Variants in GSDMC observed in about 807,000 individuals in gnomAD.
GSDMC encodes the protein gasdermin C.
Under a neutral mutation model 58.0 loss-of-function variants are expected in GSDMC, and 59 were observed. The observed-to-expected ratio is 1.02, with a 90% confidence interval of 0.82 to 1.26. GSDMC has a LOEUF of 1.26. Among genes scored for constraint, GSDMC ranks in the 50% most tolerant of loss-of-function variants. The pLI is 0.00. For missense variants in GSDMC, 659 were observed against 598.5 expected (o/e 1.10, Z -1.06); for synonymous variants, 241 against 220.2 (o/e 1.09, Z -0.83).
Position 129,786,498 on chromosome 8 carries a change from G to A in GSDMC, c.-492C>T, listed in dbSNP as rs559257737. ...GACTCAATTTCCAATGCAGTATCCT[G>A]GAAAAATAAGCACAGGAGGGCCCTG... On this transcript the variant is annotated 5_prime_UTR_variant, in exon 1 of 14. It introduces an in-frame stop codon into an upstream open reading frame of the 5' UTR. Coordinates refer to ENST00000276708, the MANE Select transcript of GSDMC (RefSeq NM_031415.3). 7 of 152,222 alleles carry A rather than the reference G, an allele frequency of 4.6e-5. No homozygotes were observed. Among genetic ancestry groups the A allele is most frequent in the African/African-American group, 1.7e-4 (7 of 41,510 alleles). The allele number at this position is 152,222 out of a possible 1,614,324, so 9.4% of individuals were successfully genotyped here. A position where few individuals can be genotyped will look rare whatever the true frequency, so the allele number is the denominator to read the frequency against.
chr8:129,717,095 C>T, the GSDMC span, among the ~76,000 whole-genome samples: 2 of 152,062 alleles, frequency 1.3e-5, no homozygotes, highest in African/African-American at 2.4e-5. Flanking sequence ...TGTTGTGTCT[C>T]TGCCAGGTTT....
chr8:129,738,917 G>A, the GSDMC span, among the ~76,000 whole-genome samples: 1 of 152,066 alleles, frequency 6.6e-6, no homozygotes, highest in Non-Finnish European at 1.5e-5. Flanking sequence ...CTCACTTAAG[G>A]CATTTCAAAA....
At chr8:129,768,997 C>T (rs2033960102) in intron 3 of GSDMC, among the ~76,000 whole-genome samples, 1 of 152,016 alleles carries the variant, frequency 6.6e-6, no homozygotes, top group South Asian at 2.1e-4. Context: ...AGGATCACTT[C>T]AGCCCAGGAG....
the GSDMC span, among the ~76,000 whole-genome samples, chr8:129,708,994 C>T: frequency 9.2e-5 from 14 of 152,294 alleles, no homozygotes; most frequent in Non-Finnish European, 1.3e-4. Context: ...GGAGGTTAAA[C>T]GAGGTAACAC....
chr8:129,713,530 T>A, the GSDMC span, among the ~76,000 whole-genome samples: 2 of 152,248 alleles, frequency 1.3e-5, no homozygotes, highest in East Asian at 3.9e-4. Flanking sequence ...TATTCTGCTG[T>A]CACTGAGGAG....
chr8:129,778,806 AG>A (rs1235645856), intron 1 of GSDMC, among the ~76,000 whole-genome samples: 1 of 151,912 alleles, frequency 6.6e-6, no homozygotes, highest in Non-Finnish European at 1.5e-5. Context: ...CGACATGAAG[AG>A]GCAGCTTTCA....
chr8:129,749,242 G>C (rs1302791392), intron 13 of GSDMC, among the ~76,000 whole-genome samples: 2 of 152,102 alleles, frequency 1.3e-5, no homozygotes, highest in African/African-American at 2.4e-5. Flanking sequence ...GATTGCCATG[G>C]AAACTAAGAC....
intron 3 of GSDMC, among the ~76,000 whole-genome samples, chr8:129,773,507 G>A (rs1045547276): frequency 5.9e-5 from 9 of 152,052 alleles, no homozygotes; most frequent in East Asian, 1.9e-4. Flanking sequence ...TGTATAGGCC[G>A]GGCATGGTGG....
chr8:129,724,372 A>G, the GSDMC span, among the ~76,000 whole-genome samples: 4 of 152,166 alleles, frequency 2.6e-5, no homozygotes, highest in African/African-American at 9.7e-5. Flanking sequence ...TTTGGGGGTG[A>G]TTTGTTATGC....
the GSDMC span, among the ~76,000 whole-genome samples, chr8:129,708,625 G>A: frequency 6.6e-6 from 1 of 152,266 alleles, no homozygotes; most frequent in East Asian, 1.9e-4. Context: ...TAGTTGTCAT[G>A]GGAACGGAAG....
At chr8:129,765,303 TG>T (rs113853353) in intron 4 of GSDMC, among the ~76,000 whole-genome samples, 1,537 of 152,298 alleles carry the variant, frequency 0.01, 28 homozygotes, top group African/African-American at 0.034. Context: ...AAAACTAGAC[TG>T]TATATAACAC....
At chr8:129,750,200 A>C in intron 11 of GSDMC, 81 bp from the exon 12 acceptor site, 1 of 1,214,334 alleles carries the variant, frequency 8.2e-7, no homozygotes, top group African/African-American at 1.5e-5. Context: ...ACTGGTGATA[A>C]CCAAGGGGTA....
chr8:129,711,924 G>C, the GSDMC span, among the ~76,000 whole-genome samples: 3 of 152,116 alleles, frequency 2.0e-5, no homozygotes, highest in African/African-American at 7.2e-5. Flanking sequence ...TCCAGTTATA[G>C]TGCCTGTTCT....
At position 129,777,488 on chromosome 8, in the gene GSDMC, G is replaced by C. The variant is rs550446533; in HGVS notation, c.100C>G (p.Arg34Gly). 5 of 1,612,472 alleles carry C rather than the reference G, an allele frequency of 3.1e-6. No individual in the cohort carries two copies. Among genetic ancestry groups the C allele is most frequent in the Non-Finnish European group, 3.4e-6 (4 of 1,178,502 alleles). The change falls in exon 2 of 14, where the codon CGT (arginine) becomes GGT (glycine). Residue 34 changes from arginine (R) to glycine (G), a missense_variant. By Grantham distance (125) the Arg-to-Gly change is moderately radical. Coordinates refer to ENST00000276708, the MANE Select transcript of GSDMC (RefSeq NM_031415.3). ...VKYLLSATKL[R>G]QFVILRKKKD... ...TTCTTTCGTAATATAACAAACTGAC[G>C]TAATTTGGTGGCACTCAATAGGTAT...
chr8:129,713,360 C>T, the GSDMC span, among the ~76,000 whole-genome samples: 2 of 151,858 alleles, frequency 1.3e-5, no homozygotes, highest in South Asian at 2.1e-4. Flanking sequence ...TCTCAAGGAG[C>T]AAGGAAGGGA....
chr8:129,773,509 G>T (rs773861148), intron 3 of GSDMC, among the ~76,000 whole-genome samples: 1 of 152,148 alleles, frequency 6.6e-6, no homozygotes, highest in Non-Finnish European at 1.5e-5. Context: ...TATAGGCCGG[G>T]CATGGTGGCT....
intron 3 of GSDMC, among the ~76,000 whole-genome samples, chr8:129,774,882 T>C (rs970084336): frequency 2.0e-5 from 3 of 152,192 alleles, no homozygotes; most frequent in African/African-American, 7.2e-5. Context: ...TGAGACATAA[T>C]TTCGCATCTG....
intron 5 of GSDMC, among the ~76,000 whole-genome samples, chr8:129,762,081 T>G (rs368653950): frequency 6.6e-6 from 1 of 152,344 alleles, no homozygotes; most frequent in African/African-American, 2.4e-5. Context: ...CAGATGCTTC[T>G]GCCCACATGG....
At chr8:129,755,422 A>G (rs1402333291) in intron 6 of GSDMC, among the ~76,000 whole-genome samples, 1 of 152,200 alleles carries the variant, frequency 6.6e-6, no homozygotes, top group Non-Finnish European at 1.5e-5. Context: ...GACAAACAAA[A>G]GCTGAGTAAT....
Sources: gnomAD v4.1 joint callset for allele counts (sites outside exome capture counted in the v4.1 genomes callset) on GRCh38, gnomAD v4.1.1 for gene constraint, MANE v1.5 for transcripts, NCBI Gene and HGNC (gene_info 2026-07-23, HGNC 2026-07-21) for gene names.